The following CPT1A variants were observed in gnomAD, a reference collection of about 807,000 sequenced individuals.
CPT1A encodes the protein carnitine O-palmitoyltransferase 1, liver isoform.
CPT1A carries 64 observed loss-of-function variants against 100.8 expected under a neutral mutation model. The ratio of observed to expected loss-of-function variants is 0.63; its 90% confidence interval spans 0.52 to 0.78. The LOEUF is 0.78. Among genes scored for constraint, CPT1A ranks in the 30% least tolerant of loss-of-function variants. CPT1A has a pLI of 0.00. For missense variants in CPT1A, 802 were observed against 1,034.1 expected, an observed-to-expected ratio of 0.78 and a Z score of 3.08; for synonymous variants, 363 against 396.0, an observed-to-expected ratio of 0.92 and a Z score of 0.99.
At position 68,771,006 on chromosome 11, in the gene CPT1A, C is replaced by T. The variant is rs1854973061; in HGVS notation, c.1740+2259G>A. 2.0e-5 allele frequency among the ~76,000 whole-genome samples: 3 copies of T among 152,322 alleles called. No individual in the cohort carries two copies. In the South Asian group the frequency reaches 6.2e-4, roughly 32 times the overall value. On this transcript the variant is annotated intron_variant, in intron 14 of 18. Transcript: ENST00000265641. ...CTTCCTCGGGGCCGTCCTGAAGTTT[C>T]GCTCGCTCCTGCCAAGTACATGGCA... is the stretch of plus-strand genomic sequence containing the variant.
intron 8 of CPT1A, among the ~76,000 whole-genome samples, chr11:68,793,770 A>AAAGCAGC (rs1034093499): frequency 4.0e-5 from 6 of 151,816 alleles, no homozygotes; most frequent in Non-Finnish European, 7.4e-5. Context: ...AAAGAAAACA[A>AAAGCAGC]AAGCAGCAAG....
At chr11:68,842,564 C>G (rs1566397934), upstream of CPT1A, among the ~76,000 whole-genome samples, 1 of 152,192 alleles carries the variant, frequency 6.6e-6, no homozygotes, top group Non-Finnish European at 1.5e-5. Flanking sequence ...CAGCGTGGCT[C>G]CTCCTCATCT....
intron 4 of CPT1A, among the ~76,000 whole-genome samples, chr11:68,807,064 G>C (rs1397380245): frequency 6.6e-6 from 1 of 152,180 alleles, no homozygotes; most frequent in African/African-American, 2.4e-5. Flanking sequence ...GAGGGCCAAA[G>C]CAAGCTGGAG....
intron 9 of CPT1A, among the ~76,000 whole-genome samples, chr11:68,787,892 C>T (rs1276228939): frequency 6.9e-6 from 1 of 145,850 alleles, no homozygotes; most frequent in Non-Finnish European, 1.5e-5. Context: ...TGCAGTGAGC[C>T]GAGATTGTGC....
At chr11:68,783,585 G>A (rs185912308) in intron 10 of CPT1A, among the ~76,000 whole-genome samples, 12 of 152,296 alleles carry the variant, frequency 7.9e-5, no homozygotes, top group Admixed American at 4.6e-4. Context: ...TACTCCCAGC[G>A]ATAGCGTAGC....
chr11:68,828,074 C>A (rs547080000), intron 1 of CPT1A, among the ~76,000 whole-genome samples: 14 of 152,300 alleles, frequency 9.2e-5, no homozygotes, highest in Middle Eastern at 3.4e-3. Context: ...TTCGTGGGCA[C>A]CCCTGGCCTC....
chr11:68,772,707 T>A (rs975012498), intron 14 of CPT1A, among the ~76,000 whole-genome samples: 1 of 152,110 alleles, frequency 6.6e-6, no homozygotes, highest in Non-Finnish European at 1.5e-5. Flanking sequence ...TTCCACTGTA[T>A]GAAAATACCA....
intron 2 of CPT1A, among the ~76,000 whole-genome samples, chr11:68,814,898 G>T (rs1856340348): frequency 6.6e-6 from 1 of 151,628 alleles, no homozygotes; most frequent in Non-Finnish European, 1.5e-5. Flanking sequence ...TGTCACCCAG[G>T]CTGGTCTTAA....
intron 3 of CPT1A, among the ~76,000 whole-genome samples, chr11:68,811,243 C>T (rs371596598): frequency 6.6e-6 from 1 of 152,074 alleles, no homozygotes; most frequent in South Asian, 2.1e-4. Flanking sequence ...CTCAGGTGAT[C>T]GACCCACCTC....
At chr11:68,769,365 T>C (rs1237888345) in intron 14 of CPT1A, among the ~76,000 whole-genome samples, 2 of 151,682 alleles carry the variant, frequency 1.3e-5, no homozygotes, top group African/African-American at 4.8e-5. Flanking sequence ...GCCTCCGGAG[T>C]ACCTTGGACT....
rs2924699 is a variant in CPT1A at position 68,762,789 on chromosome 11, C to T, written c.1741-28G>A. 0.076 allele frequency: 121,843 copies of T among 1,612,986 alleles called. 6,731 individuals are homozygous for T. Among genetic ancestry groups the T allele is most frequent in the African/African-American group, 0.28 (21,013 of 74,926 alleles). On this transcript the variant is annotated intron_variant, in intron 14 of 18. Transcript: ENST00000265641. ...GGGGAAAGAGAAGTACTTCAGTGCA[C>T]GGCAGGGCATGCTGATATGTCTAAA...
At chr11:68,775,972 C>T (rs371070922) in intron 12 of CPT1A, among the ~76,000 whole-genome samples, 1 of 152,190 alleles carries the variant, frequency 6.6e-6, no homozygotes, top group African/African-American at 2.4e-5. Flanking sequence ...GGAAACAACA[C>T]AAATGCCCAT....
chr11:68,754,780 G>A (rs1396974324), downstream of CPT1A: 3 of 780,670 alleles, frequency 3.8e-6, no homozygotes, highest in Non-Finnish European at 7.2e-6. Flanking sequence ...CTCCTCCAAG[G>A]CCTTGTTTCC....
intron 7 of CPT1A, among the ~76,000 whole-genome samples, chr11:68,795,527 C>T (rs967355132): frequency 3.3e-5 from 5 of 151,762 alleles, no homozygotes; most frequent in East Asian, 1.9e-4. Flanking sequence ...ACTACACTAA[C>T]GGTTTTTCTT....
chr11:68,773,636 G>A, intron 13 of CPT1A: 7 of 813,776 alleles, frequency 8.6e-6, no homozygotes, highest in Non-Finnish European at 1.3e-5. Context: ...ATAGCAGGTA[G>A]CGGGTCTGAC....
chr11:68,838,577 A>AAAAAAAAAAAAAAAC (rs1566394857), intron 1 of CPT1A, among the ~76,000 whole-genome samples: 1 of 143,942 alleles, frequency 6.9e-6, no homozygotes, highest in African/African-American at 2.6e-5. Context: ...CTTTTTAAAA[A>AAAAAAAAAAAAAAAC]AAAAAAAAAA....
upstream of CPT1A, among the ~76,000 whole-genome samples, chr11:68,843,367 C>G (rs1857195849): frequency 7.2e-6 from 1 of 138,498 alleles, no homozygotes; most frequent in South Asian, 2.6e-4. This position sits in a 1 kb window ranked among gnomAD's most constrained non-coding sequence, Gnocchi z 4.0. Context: ...CTCCCCGCCC[C>G]CCACCCCACC....
Position 68,799,301 on chromosome 11 carries a change from C to T in CPT1A, c.610G>A (p.Ala204Thr), listed in dbSNP as rs780275972. ...MKEEDFKRMT[A>T]LAQDFAVGLG... ...CCGACAGCAAAATCTTGAGCAAGTGCTGTCATCCGTTTGAAGTCTTCTTCC... is the reference window on the plus strand; with the variant it reads ...CCGACAGCAAAATCTTGAGCAAGTGTTGTCATCCGTTTGAAGTCTTCTTCC... The change falls in exon 6 of 19, where the codon GCA (alanine) becomes ACA (threonine). Residue 204 changes from alanine to threonine, a missense_variant. Ala to Thr is a moderately conservative substitution (Grantham distance 58, BLOSUM62 0). Coordinates refer to ENST00000265641, the MANE Select transcript of CPT1A (RefSeq NM_001876.4). The T allele has an allele frequency of 6.2e-6, 10 of 1,614,010 alleles. No individual in the cohort carries two copies. The South Asian group carries it at 9.9e-5, about 16-fold the overall frequency.
chr11:68,788,629 G>GAAAAAAAAAAAAAAA, intron 9 of CPT1A, among the ~76,000 whole-genome samples: 1 of 12,434 alleles, frequency 8.0e-5, no homozygotes, highest in Non-Finnish European at 1.5e-4. Flanking sequence ...ACAAACAAAA[G>GAAAAAAAAAAAAAAA]TAAAAAAAAA....
Sources: allele counts gnomAD v4.1 joint callset (sites outside exome capture counted in the v4.1 genomes callset), GRCh38; gene constraint gnomAD v4.1.1; non-coding constraint Gnocchi (gnomAD v3.1); transcripts MANE v1.5; gene names NCBI Gene and HGNC (gene_info 2026-07-23, HGNC 2026-07-21).